The following PTPRQ variants were observed in gnomAD, a reference collection of about 807,000 sequenced individuals.
The protein encoded by PTPRQ is phosphatidylinositol phosphatase PTPRQ.
PTPRQ carries 199 observed loss-of-function variants against 246.0 expected under a neutral mutation model. The ratio of observed to expected loss-of-function variants is 0.81; its 90% CI spans 0.72 to 0.91. The LOEUF (loss-of-function observed/expected upper bound fraction) is 0.91. PTPRQ is among the 40% of genes least tolerant of loss of function. The pLI is 0.00. For missense variants in PTPRQ, 2,624 were observed against 2,528.4 expected, an observed-to-expected ratio of 1.04 and a Z score of -0.81; for synonymous variants, 869 against 853.2, an observed-to-expected ratio of 1.02 and a Z score of -0.32.
rs151103978 is a variant in PTPRQ at position 80,573,833 on chromosome 12, T to C, written c.4286-14296T>C. On this transcript the variant is annotated intron_variant, in intron 25 of 44. Transcript: ENST00000644991. ...TTAATGTTCTCTATTGTTTTTGTGC[T>C]TTCCATTACATCGATTTCTGATCAT... Among the ~76,000 whole-genome samples, 275 of 152,324 alleles carry C rather than the reference T, an allele frequency of 1.8e-3. 4 individuals carry two copies. Among genetic ancestry groups the C allele is most frequent in the African/African-American group, 6.4e-3 (268 of 41,594 alleles).
intron 25 of PTPRQ, among the ~76,000 whole-genome samples, chr12:80,582,498 A>T (rs912968242): frequency 6.6e-6 from 1 of 152,120 alleles, no homozygotes; most frequent in African/African-American, 2.4e-5. Context: ...CATGAATGGG[A>T]TTAATGCCCT....
At chr12:80,504,990 A>C (rs1386531737) in intron 14 of PTPRQ, among the ~76,000 whole-genome samples, 2 of 151,872 alleles carry the variant, frequency 1.3e-5, no homozygotes, top group Non-Finnish European at 2.9e-5. Context: ...TCTATGGTAC[A>C]TGCAGAAGAA....
intron 38 of PTPRQ, among the ~76,000 whole-genome samples, chr12:80,654,019 T>TTTCTTTCTTTCTTTCTTTCTTTC (rs1565843331): frequency 6.6e-6 from 1 of 151,728 alleles, no homozygotes; most frequent in Non-Finnish European, 1.5e-5. Flanking sequence ...TTCTTTCTTT[T>TTTCTTTCTTTCTTTCTTTCTTTC]TTTCTTTCTT....
chr12:80,592,906 G>A (rs1436597528), intron 26 of PTPRQ, among the ~76,000 whole-genome samples: 1 of 152,058 alleles, frequency 6.6e-6, no homozygotes, highest in Non-Finnish European at 1.5e-5. Flanking sequence ...AACTCCTTGG[G>A]AGGCTGAGGG....
At chr12:80,483,077 GTA>G (rs1894130849) in intron 8 of PTPRQ, among the ~76,000 whole-genome samples, 1 of 122,638 alleles carries the variant, frequency 8.2e-6, no homozygotes, top group African/African-American at 3.4e-5. Context: ...ACATGCACAC[GTA>G]TGTTTATTGT....
At chr12:80,674,641 T>A (rs1239376082) in intron 43 of PTPRQ, among the ~76,000 whole-genome samples, 1 of 152,120 alleles carries the variant, frequency 6.6e-6, no homozygotes, top group African/African-American at 2.4e-5. Flanking sequence ...ATTGTAAACA[T>A]AAATAAAATA....
intron 27 of PTPRQ, 38 bp downstream of exon 27, chr12:80,605,218 A>C: frequency 6.5e-7 from 1 of 1,526,936 alleles, no homozygotes; most frequent in Non-Finnish European, 8.8e-7. Flanking sequence ...GCCAGTATAA[A>C]ATGGTTAATA....
intron 14 of PTPRQ, among the ~76,000 whole-genome samples, chr12:80,503,624 G>A (rs1894868780): frequency 1.3e-5 from 2 of 151,710 alleles, no homozygotes; most frequent in Admixed American, 1.3e-4. Context: ...CAGAACTCTT[G>A]AATGGCAATA....
At chr12:80,510,542 G>T in intron 17 of PTPRQ, 99 bp downstream of exon 17, 1 of 1,200,894 alleles carries the variant, frequency 8.3e-7, no homozygotes, top group Non-Finnish European at 1.1e-6. Flanking sequence ...TGCTACATTA[G>T]GAACCTGATT....
At chr12:80,567,750 T>C (rs547855981) in intron 25 of PTPRQ, among the ~76,000 whole-genome samples, 82 of 152,306 alleles carry the variant, frequency 5.4e-4, no homozygotes, top group African/African-American at 1.9e-3. Flanking sequence ...TCTAGATGTT[T>C]TTGTACAAAT....
intron 35 of PTPRQ, among the ~76,000 whole-genome samples, chr12:80,643,891 A>G (rs991906398): frequency 6.6e-6 from 1 of 152,220 alleles, no homozygotes; most frequent in African/African-American, 2.4e-5. Context: ...AGTACATGCT[A>G]TGGGATACAA....
Position 80,494,919 on chromosome 12 carries a change from C to G in PTPRQ, c.1541-14C>G, listed in dbSNP as rs1337937081. 1 of 1,501,212 alleles carries G rather than the reference C, an allele frequency of 6.7e-7. No homozygotes were observed. The highest frequency in any genetic ancestry group is 2.4e-5 in the Admixed American group (1 of 40,998). The allele number at this position is 1,501,212 out of a possible 1,614,324, so 93.0% of individuals were successfully genotyped here. A position where few individuals can be genotyped will look rare whatever the true frequency, so the allele number is the denominator to read the frequency against. ...ACACCTTTCTTTTTTTCTCTTTTTA[C>G]TGAATTCAAACAGTAACTACAAGGA... On this transcript the variant is annotated splice_polypyrimidine_tract_variant and intron_variant, in intron 10 of 44. Coordinates refer to ENST00000644991, the MANE Select transcript of PTPRQ (RefSeq NM_001145026.2).
At chr12:80,456,512 A>C (rs1165256761) in intron 3 of PTPRQ, among the ~76,000 whole-genome samples, 2 of 152,286 alleles carry the variant, frequency 1.3e-5, no homozygotes, top group Admixed American at 6.5e-5. Context: ...GGGGATAATT[A>C]AAAATTTTTA....
chr12:80,669,711 C>G (rs1285706248), intron 41 of PTPRQ, among the ~76,000 whole-genome samples: 1 of 151,910 alleles, frequency 6.6e-6, no homozygotes, highest in East Asian at 1.9e-4. Context: ...CTTAGGTTGA[C>G]AAGAGCAGAA....
chr12:80,599,795 T>C (rs1898083582), intron 26 of PTPRQ, among the ~76,000 whole-genome samples: 1 of 151,210 alleles, frequency 6.6e-6, no homozygotes, highest in African/African-American at 2.4e-5. Context: ...AAATTACCTA[T>C]GAATTAATCA....
rs1488844560 is a variant in PTPRQ, at chr12:80,634,980, C to G, written c.5822C>G (p.Ser1941Cys). Residue 1941 changes from serine (S) to cysteine (C), a missense_variant, in exon 35 of 45, where the codon TCT (serine) becomes TGT (cysteine). By Grantham distance (112) the Ser-to-Cys change is moderately radical (BLOSUM62 -1). Coordinates refer to ENST00000644991, the MANE Select transcript of PTPRQ (RefSeq NM_001145026.2). Reference protein sequence around the residue: ...RQKQKEGGTYSPQDAEIIDTK... With the variant: ...RQKQKEGGTYCPQDAEIIDTK... ...AAGCAGAAAGAAGGTGGCACATACT[C>G]TCCTCAGGATGCAGAAATTATTGAC... The G allele has an allele frequency of 1.3e-6, 2 of 1,551,094 alleles. No individual in the cohort carries two copies. Among genetic ancestry groups the G allele is most frequent in the South Asian group, 1.2e-5 (1 of 83,956 alleles).
intron 17 of PTPRQ, among the ~76,000 whole-genome samples, chr12:80,513,647 C>G (rs1366454935): frequency 6.6e-6 from 1 of 152,076 alleles, no homozygotes; most frequent in East Asian, 1.9e-4. Flanking sequence ...GGCAGAGACC[C>G]GCCCTTCTCT....
chr12:80,523,733 T>A (rs1895588221), intron 17 of PTPRQ, among the ~76,000 whole-genome samples: 1 of 152,202 alleles, frequency 6.6e-6, no homozygotes, highest in African/African-American at 2.4e-5. Flanking sequence ...TGAGAGATAG[T>A]TTGTTATAAT....
chr12:80,564,549 A>G (rs1329013630), intron 25 of PTPRQ, among the ~76,000 whole-genome samples: 1 of 152,232 alleles, frequency 6.6e-6, no homozygotes, highest in Admixed American at 6.5e-5. Flanking sequence ...TTAAACACAT[A>G]TTAAGTGCTG....
Sources: allele counts gnomAD v4.1 joint callset (sites outside exome capture counted in the v4.1 genomes callset), GRCh38; gene constraint gnomAD v4.1.1; transcripts MANE v1.5; gene names NCBI Gene and HGNC (gene_info 2026-07-23, HGNC 2026-07-21).